Variants in OLFM3 observed in about 807,000 individuals in gnomAD.
The protein encoded by OLFM3 is noelin-3.
Under a neutral mutation model 48.6 loss-of-function variants are expected in OLFM3, and 20 were observed. The observed-to-expected ratio is 0.41, with a 90% CI of 0.29 to 0.60. The LOEUF is 0.60. OLFM3 is among the 20% of genes least tolerant of loss of function. The pLI, the probability that OLFM3 is intolerant of heterozygous loss-of-function variation, is 0.28. For missense variants in OLFM3, 437 were observed against 544.3 expected (o/e 0.80, Z 1.96); for synonymous variants, 222 against 198.1 (o/e 1.12, Z -1.01).
chr1:101,935,434 G>A (rs1472867260), intron 1 of OLFM3, among the ~76,000 whole-genome samples: 3 of 152,010 alleles, frequency 2.0e-5, no homozygotes, highest in Non-Finnish European at 4.4e-5. Context: ...GGAAGAAATT[G>A]AATCCATGAA....
chr1:101,866,725 T>G (rs957557521), intron 1 of OLFM3, among the ~76,000 whole-genome samples: 1 of 152,228 alleles, frequency 6.6e-6, no homozygotes, highest in Non-Finnish European at 1.5e-5. Flanking sequence ...ATTTAGGTAA[T>G]AATTTAAATG....
intron 1 of OLFM3, among the ~76,000 whole-genome samples, chr1:101,919,767 C>A (rs547009664): frequency 6.6e-6 from 1 of 152,274 alleles, no homozygotes; most frequent in Non-Finnish European, 1.5e-5. Flanking sequence ...CAGTCTGTAT[C>A]TCTTCCTGGA....
At chr1:101,864,484 TTTTA>T in intron 1 of OLFM3, among the ~76,000 whole-genome samples, 1 of 152,318 alleles carries the variant, frequency 6.6e-6, no homozygotes, top group East Asian at 1.9e-4. Context: ...ACTGAAGTAT[TTTTA>T]TTTATTAGCA....
chr1:101,828,333 T>C (rs1654988395), intron 3 of OLFM3, among the ~76,000 whole-genome samples: 1 of 152,206 alleles, frequency 6.6e-6, no homozygotes, highest in Non-Finnish European at 1.5e-5. Flanking sequence ...ATACAGTTAA[T>C]ATACTGAAAG....
At chr1:101,913,708 C>CA (rs1193068973) in intron 1 of OLFM3, among the ~76,000 whole-genome samples, 2 of 151,390 alleles carry the variant, frequency 1.3e-5, no homozygotes, top group Non-Finnish European at 2.9e-5. Context: ...AATCAACACT[C>CA]ACTATTCAAC....
chr1:101,906,575 A>G (rs1410769162), intron 1 of OLFM3, among the ~76,000 whole-genome samples: 1 of 152,176 alleles, frequency 6.6e-6, no homozygotes, highest in African/African-American at 2.4e-5. Flanking sequence ...CATAATTATA[A>G]GTAAGTTCTG....
chr1:101,924,763 A>C (rs896553735), intron 1 of OLFM3, among the ~76,000 whole-genome samples: 1 of 152,170 alleles, frequency 6.6e-6, no homozygotes, highest in East Asian at 1.9e-4. Flanking sequence ...ACAGTTCTGG[A>C]AATGCAGTAT....
chr1:101,885,279 G>A (rs1325288927), intron 1 of OLFM3, among the ~76,000 whole-genome samples: 2 of 152,002 alleles, frequency 1.3e-5, no homozygotes, highest in African/African-American at 4.8e-5. Context: ...ATGACTTTAT[G>A]GAGATGGGAG....
At chr1:101,856,744 T>C (rs1011034360) in intron 1 of OLFM3, among the ~76,000 whole-genome samples, 3 of 152,004 alleles carry the variant, frequency 2.0e-5, no homozygotes, top group African/African-American at 7.3e-5. Flanking sequence ...AGTGCATTCT[T>C]TGGGGCAGGA....
intron 1 of OLFM3, among the ~76,000 whole-genome samples, chr1:101,906,216 T>G (rs1273559822): frequency 6.6e-6 from 1 of 152,066 alleles, no homozygotes; most frequent in African/African-American, 2.4e-5. Flanking sequence ...GATACTTTAC[T>G]CTGATTTCTT....
chr1:101,825,063 G>A lies in OLFM3; in HGVS notation c.555C>T (p.Ser185=). 1.2e-6 allele frequency: 2 copies of A among 1,614,074 alleles called. No homozygotes were observed. Among genetic ancestry groups the A allele is most frequent in the Non-Finnish European group, 1.7e-6 (2 of 1,179,950 alleles). ...TGCAGTCACGAAGTCTTGTTTCCAA[G>A]CTCAGCACTCTTTGGTGTAGTTCCT... The part of the protein sequence containing the change: ...DYEELHQRVL[S]LETRLRDCMK... The change falls in exon 4 of 6, where the codon AGC becomes AGT. Residue 185 remains serine, a synonymous_variant. Coordinates refer to ENST00000370103, the MANE Select transcript of OLFM3 (RefSeq NM_058170.4).
intron 1 of OLFM3, among the ~76,000 whole-genome samples, chr1:101,970,004 A>G (rs1437833555): frequency 6.6e-6 from 1 of 151,650 alleles, no homozygotes; most frequent in Non-Finnish European, 1.5e-5. Flanking sequence ...ACAGGTTGCC[A>G]TTTTGTAATG....
intron 1 of OLFM3, among the ~76,000 whole-genome samples, chr1:101,956,801 C>G (rs1660310574): frequency 6.6e-6 from 1 of 151,822 alleles, no homozygotes; most frequent in South Asian, 2.1e-4. Context: ...CAAACATAAT[C>G]TATAGGGAAT....
chr1:101,934,562 T>A (rs1659551679), intron 1 of OLFM3, among the ~76,000 whole-genome samples: 1 of 152,060 alleles, frequency 6.6e-6, no homozygotes. Flanking sequence ...AGACAGATCA[T>A]GAAGTTAAAA....
chr1:101,857,800 C>A (rs1341321183), intron 1 of OLFM3, among the ~76,000 whole-genome samples: 1 of 151,970 alleles, frequency 6.6e-6, no homozygotes, highest in South Asian at 2.1e-4. Context: ...TCCAAGAATT[C>A]CCCAGGTAAT....
intron 1 of OLFM3, among the ~76,000 whole-genome samples, chr1:101,909,137 G>A (rs1231562197): frequency 6.6e-5 from 10 of 152,128 alleles, no homozygotes; most frequent in African/African-American, 2.2e-4. Context: ...ACTCTGCCCT[G>A]GGGCTTCTCT....
At chr1:101,944,149 G>A (rs2101062788) in intron 1 of OLFM3, among the ~76,000 whole-genome samples, 1 of 151,476 alleles carries the variant, frequency 6.6e-6, no homozygotes, top group East Asian at 1.9e-4. Context: ...TAAATAATCT[G>A]TGCCTACTTC....
intron 3 of OLFM3, among the ~76,000 whole-genome samples, chr1:101,829,107 C>T (rs1014187548): frequency 1.7e-4 from 26 of 152,116 alleles, no homozygotes; most frequent in Non-Finnish European, 7.4e-5. Context: ...AGACAGATTA[C>T]GTATAATACA....
intron 1 of OLFM3, among the ~76,000 whole-genome samples, chr1:101,875,254 A>G (rs1351457792): frequency 6.6e-6 from 1 of 152,044 alleles, no homozygotes; most frequent in Non-Finnish European, 1.5e-5. Context: ...AAGCTATTTT[A>G]TATGATACTG....
Sources: gnomAD v4.1 joint callset for allele counts (sites outside exome capture counted in the v4.1 genomes callset) on GRCh38, gnomAD v4.1.1 for gene constraint, MANE v1.5 for transcripts, NCBI Gene and HGNC (gene_info 2026-07-23, HGNC 2026-07-21) for gene names.